The following IQCB1 variants were observed in gnomAD, a reference collection of about 807,000 sequenced individuals.
IQCB1 encodes the protein IQ motif containing B1, also known as IQ calmodulin-binding motif-containing protein 1.
Under a neutral mutation model 84.4 loss-of-function variants are expected in IQCB1, and 56 were observed. The ratio of observed to expected loss-of-function variants is 0.66; its 90% confidence interval spans 0.54 to 0.83. IQCB1 has a LOEUF of 0.83. Ranked by LOEUF, IQCB1 falls within the 40% of genes least tolerant of loss-of-function variation. The pLI is 0.00. For synonymous variants in IQCB1, 210 were observed against 234.8 expected (o/e 0.89, Z 0.96); for missense variants, 629 against 682.1 (o/e 0.92, Z 0.87).
At chr3:121,803,864 A>G (rs768562373) in intron 7 of IQCB1, among the ~76,000 whole-genome samples, 4 of 152,162 alleles carry the variant, frequency 2.6e-5, no homozygotes, top group Non-Finnish European at 5.9e-5. Flanking sequence ...GGTAGACAGC[A>G]TATAGTAGGC....
intron 2 of IQCB1, among the ~76,000 whole-genome samples, chr3:121,831,190 G>GTTTTTTTTTTTTT (rs1950624838): frequency 3.9e-5 from 1 of 25,480 alleles, no homozygotes; most frequent in Non-Finnish European, 8.6e-5. Context: ...TTTTTTTTTG[G>GTTTTTTTTTTTTT]AGACAGGATC....
In IQCB1 at chr3:121,770,278, A is replaced by G; in HGVS notation, c.*67T>C. On this transcript the variant is annotated 3_prime_UTR_variant, in exon 15 of 15. Transcript: ENST00000310864. ...GTTAGGATGGCCCTAGTCTACCAGCATGCCAGAGGCAGAACCAATATAATC... is the reference window on the plus strand; with the variant it reads ...GTTAGGATGGCCCTAGTCTACCAGCGTGCCAGAGGCAGAACCAATATAATC... 9.2e-7 allele frequency: 1 copy of G among 1,085,636 alleles called. No individual in the cohort carries two copies. The highest frequency in any genetic ancestry group is 1.4e-6 in the Non-Finnish European group (1 of 711,424). The allele number at this position is 1,085,636 out of a possible 1,614,324, so 67.3% of individuals were successfully genotyped here.
At chr3:121,794,612 C>T (rs1949108309) in intron 10 of IQCB1, among the ~76,000 whole-genome samples, 1 of 151,946 alleles carries the variant, frequency 6.6e-6, no homozygotes, top group Non-Finnish European at 1.5e-5. Context: ...TTAATTCTTC[C>T]CTGAAGAAAA....
In IQCB1 at chr3:121,772,612, C is replaced by A; in HGVS notation, c.1512G>T (p.Gln504His). 1 of 1,614,220 alleles carries A rather than the reference C, an allele frequency of 6.2e-7. No individual in the cohort carries two copies. Among genetic ancestry groups the A allele is most frequent in the Non-Finnish European group, 8.5e-7 (1 of 1,180,046 alleles). Residue 504 changes from glutamine to histidine, a missense_variant, in exon 14 of 15, where the codon CAG becomes CAT. Coordinates refer to ENST00000310864, the MANE Select transcript of IQCB1 (RefSeq NM_001023570.4). The stretch of plus-strand genomic sequence containing the variant: ...GTGCTATCAGAGCTTCTCTGTGCTG[C>A]TGGGCTCGCTCTTCTAGGGCCCTGC... Reference protein sequence around the residue: ...FMGRALEERAQQHREALIAQI... With the variant: ...FMGRALEERAHQHREALIAQI...
chr3:121,790,021 T>A (rs1948894818), intron 11 of IQCB1, 52 bp downstream of exon 11: 2 of 1,546,390 alleles, frequency 1.3e-6, no homozygotes, highest in South Asian at 2.3e-5. Flanking sequence ...GTTGGTTTGT[T>A]AAAAGATAAC....
At chr3:121,818,120 A>C (rs140829105) in intron 5 of IQCB1, among the ~76,000 whole-genome samples, 271 of 152,350 alleles carry the variant, frequency 1.8e-3, no homozygotes, top group African/African-American at 6.3e-3. Flanking sequence ...TCTGTCCATA[A>C]TTGACAACAG....
intron 6 of IQCB1, among the ~76,000 whole-genome samples, chr3:121,807,888 C>A (rs1008340818): frequency 6.6e-6 from 1 of 151,956 alleles, no homozygotes; most frequent in South Asian, 2.1e-4. Flanking sequence ...ATAATGAATA[C>A]GCTAACTACA....
chr3:121,799,417 T>C, intron 7 of IQCB1, 43 bp from the exon 8 acceptor site: 1 of 1,161,726 alleles, frequency 8.6e-7, no homozygotes, highest in Non-Finnish European at 1.3e-6. Context: ...TACTAATTGA[T>C]GTACAGGTAT....
At chr3:121,779,129 T>C (rs1373332922) in intron 13 of IQCB1, among the ~76,000 whole-genome samples, 1 of 152,090 alleles carries the variant, frequency 6.6e-6, no homozygotes, top group Non-Finnish European at 1.5e-5. Context: ...ATCACTGGTT[T>C]GACAATTTTG....
chr3:121,797,075 G>T, intron 9 of IQCB1, 43 bp downstream of exon 9: 1 of 996,434 alleles, frequency 1.0e-6, no homozygotes, highest in Non-Finnish European at 1.6e-6. Context: ...GTTTAATATA[G>T]TCAGCAAATA....
intron 5 of IQCB1, among the ~76,000 whole-genome samples, chr3:121,816,078 A>G (rs1024793564): frequency 6.6e-5 from 10 of 152,114 alleles, no homozygotes; most frequent in Non-Finnish European, 1.5e-5. Flanking sequence ...ACATATATAG[A>G]CCAATGGAAC....
At chr3:121,817,431 A>G (rs554454696) in intron 5 of IQCB1, among the ~76,000 whole-genome samples, 16 of 152,188 alleles carry the variant, frequency 1.1e-4, no homozygotes, top group Admixed American at 9.2e-4. Flanking sequence ...ATAATAAAAA[A>G]AAAAGAAAAG....
At chr3:121,797,335 G>T in intron 8 of IQCB1, 108 bp from the exon 9 acceptor site, 8 of 570,760 alleles carry the variant, frequency 1.4e-5, no homozygotes, top group Non-Finnish European at 2.4e-5. Flanking sequence ...AAAAACAAAT[G>T]AAAACAAGAT....
intron 11 of IQCB1, 32 bp downstream of exon 11, chr3:121,790,041 C>T (rs1477259601): frequency 6.3e-7 from 1 of 1,590,468 alleles, no homozygotes; most frequent in Non-Finnish European, 8.6e-7. Context: ...CCTAAATATT[C>T]TTATATTGAT....
At chr3:121,803,556 A>G (rs910682983) in intron 7 of IQCB1, among the ~76,000 whole-genome samples, 6 of 152,178 alleles carry the variant, frequency 3.9e-5, no homozygotes, top group Non-Finnish European at 5.9e-5. Context: ...TTAAATATCA[A>G]AAGAGGTATA....
intron 5 of IQCB1, among the ~76,000 whole-genome samples, chr3:121,818,935 G>A (rs1226800385): frequency 9.9e-5 from 15 of 152,048 alleles, no homozygotes; most frequent in Admixed American, 2.0e-4. Flanking sequence ...TTTTAAAAGC[G>A]CCTTTCAATA....
intron 1 of IQCB1, among the ~76,000 whole-genome samples, 188 bp from the exon 2 acceptor site, chr3:121,834,667 C>G (rs542856417): frequency 3.3e-5 from 5 of 152,210 alleles, no homozygotes; most frequent in African/African-American, 1.2e-4. Flanking sequence ...GTAACAGCGT[C>G]GCTTCAAGTC....
rs1950460060 is a variant in IQCB1 at position 121,826,170 on chromosome 3, C to A, written c.274G>T (p.Val92Leu). ...GCATCTTCTCCTGGCTCCAAGCCCA[C>A]ACAGCAATGGCTGAAATAAGAGCAC... is the stretch of plus-strand genomic sequence containing the variant. ...QLTQILSHCC[V>L]GLEPGEDAEE... Residue 92 changes from valine to leucine, a missense_variant, in exon 5 of 15, where the codon GTG (valine) becomes TTG (leucine). Val to Leu is a conservative substitution (Grantham distance 32). Transcript: ENST00000310864. The A allele has an allele frequency of 1.2e-6, 2 of 1,613,784 alleles. No homozygotes were observed. The highest frequency in any genetic ancestry group is 1.7e-6 in the Non-Finnish European group (2 of 1,179,848).
chr3:121,835,003 GGGCTCCCACGCCGCACTACAGCGCCGC>G lies in IQCB1; in HGVS notation c.-166_-140del. The G allele has an allele frequency of 2.6e-6, 1 of 389,326 alleles. No homozygotes were observed. Among genetic ancestry groups the G allele is most frequent in the East Asian group, 3.6e-5 (1 of 27,962 alleles). The allele number at this position is 389,326 out of a possible 1,614,324, so 24.1% of individuals were successfully genotyped here. A position where few individuals can be genotyped will look rare whatever the true frequency, so the allele number is the denominator to read the frequency against. On this transcript the variant is annotated 5_prime_UTR_variant, in exon 1 of 15. Transcript: ENST00000310864. ...TCGCGTTCTTCCACTAAAGAACCTG[GGGCTCCCACGCCGCACTACAGCGCCGC>G]GGCCTTCCGGGGCAGCGTGCGTCGC... is the stretch of plus-strand genomic sequence containing the variant.
Sources: gnomAD v4.1 joint callset for allele counts (sites outside exome capture counted in the v4.1 genomes callset) on GRCh38, gnomAD v4.1.1 for gene constraint, MANE v1.5 for transcripts, NCBI Gene and HGNC (gene_info 2026-07-23, HGNC 2026-07-21) for gene names.